The following ATP9B variants were observed in gnomAD, a reference collection of about 807,000 sequenced individuals.
The protein encoded by ATP9B is probable phospholipid-transporting ATPase IIB.
Under a neutral mutation model 146.1 loss-of-function variants are expected in ATP9B, and 110 were observed. The observed-to-expected ratio is 0.75, with a 90% confidence interval of 0.65 to 0.88. ATP9B has a LOEUF of 0.88. Among genes scored for constraint, ATP9B ranks in the 40% least tolerant of loss-of-function variants. ATP9B has a pLI of 0.00. For synonymous variants in ATP9B, 604 were observed against 569.7 expected (o/e 1.06, Z -0.86); for missense variants, 1,499 against 1,496.4 (o/e 1.00, Z -0.03).
intron 17 of ATP9B, among the ~76,000 whole-genome samples, chr18:79,331,351 A>G (rs2096789221): frequency 6.6e-6 from 1 of 152,218 alleles, no homozygotes; most frequent in African/African-American, 2.4e-5. Context: ...AATGCCATAA[A>G]AATTACTTTT....
At chr18:79,340,370 TG>T (rs1205445877) in intron 19 of ATP9B, 1 of 152,222 alleles carries the variant, frequency 6.6e-6, no homozygotes, top group Non-Finnish European at 1.5e-5. Flanking sequence ...CTGCGTTTCC[TG>T]AATCCCACTC....
chr18:79,108,779 C>G (rs2075818523), intron 2 of ATP9B, among the ~76,000 whole-genome samples: 1 of 152,174 alleles, frequency 6.6e-6, no homozygotes, highest in Admixed American at 6.5e-5. Context: ...CCCAGCACAG[C>G]TGAGAATTAA....
At chr18:79,117,142 T>A (rs551232338) in intron 4 of ATP9B, 1 of 152,280 alleles carries the variant, frequency 6.6e-6, no homozygotes, top group Admixed American at 6.5e-5. Context: ...TTAGAATAAA[T>A]TTTAAAAGGT....
chr18:79,157,207 TACACACACACACACAC>T (rs147810207), intron 7 of ATP9B, among the ~76,000 whole-genome samples: 17 of 135,366 alleles, frequency 1.3e-4, no homozygotes, highest in East Asian at 4.3e-4. Flanking sequence ...CTAAAAAAAA[TACACACACACACACAC>T]ACACACACAC....
chr18:79,258,885 T>C (rs955792056), intron 12 of ATP9B, among the ~76,000 whole-genome samples: 35 of 152,336 alleles, frequency 2.3e-4, no homozygotes, highest in Admixed American at 1.2e-3. Context: ...ATTTGGGAAA[T>C]TAAAGTTCAC....
At chr18:79,300,997 TTTG>T (rs1346987140) in intron 13 of ATP9B, among the ~76,000 whole-genome samples, 1 of 152,212 alleles carries the variant, frequency 6.6e-6, no homozygotes, top group African/African-American at 2.4e-5. Context: ...AAGGAAATAC[TTTG>T]TTATCTCAAT....
chr18:79,353,441 G>C (rs962618867), intron 25 of ATP9B: 1 of 152,312 alleles, frequency 6.6e-6, no homozygotes, highest in African/African-American at 2.4e-5. Flanking sequence ...TCCACCAGGG[G>C]GTGGAAGAGC....
intron 12 of ATP9B, chr18:79,254,759 C>T (rs2096062206): frequency 6.6e-6 from 1 of 152,550 alleles, no homozygotes; most frequent in African/African-American, 2.4e-5. Flanking sequence ...AGCTGCTTCC[C>T]ACCCTAGCTG....
chr18:79,207,036 G>C (rs2095540879), intron 10 of ATP9B, 24 bp downstream of exon 10: 1 of 1,600,644 alleles, frequency 6.2e-7, no homozygotes. Context: ...TCTCCTCTGA[G>C]TGTGATTGCT....
At chr18:79,167,722 G>A (rs1350339998) in intron 7 of ATP9B, among the ~76,000 whole-genome samples, 2 of 152,224 alleles carry the variant, frequency 1.3e-5, no homozygotes, top group Non-Finnish European at 2.9e-5. Flanking sequence ...CCGATTGGCT[G>A]TATGGTCATC....
intron 11 of ATP9B, among the ~76,000 whole-genome samples, chr18:79,216,769 C>A (rs1413578286): frequency 1.3e-5 from 2 of 152,174 alleles, no homozygotes; most frequent in Non-Finnish European, 2.9e-5. Context: ...TTATTGTTGG[C>A]AGAATATATC....
At chr18:79,246,022 T>TGC (rs2095955149) in intron 11 of ATP9B, among the ~76,000 whole-genome samples, 1 of 124,414 alleles carries the variant, frequency 8.0e-6, no homozygotes, top group Non-Finnish European at 1.7e-5. Context: ...CCCTACTGAC[T>TGC]GAGGAGGGCA....
intron 4 of ATP9B, chr18:79,115,558 G>A (rs1276583813): frequency 2.3e-5 from 3 of 128,298 alleles, no homozygotes; most frequent in Admixed American, 7.5e-5. Flanking sequence ...GCATGGTACT[G>A]GTACCAAAAC....
intron 13 of ATP9B, among the ~76,000 whole-genome samples, chr18:79,289,926 G>A (rs970233011): frequency 2.6e-5 from 4 of 152,166 alleles, no homozygotes; most frequent in South Asian, 2.1e-4. Flanking sequence ...GCAGAATAGC[G>A]GATTTTCGTG....
intron 26 of ATP9B, among the ~76,000 whole-genome samples, chr18:79,369,432 C>CT (rs2097055794): frequency 6.7e-6 from 1 of 149,580 alleles, no homozygotes; most frequent in Non-Finnish European, 1.5e-5. Context: ...ACTCGGGAGG[C>CT]TGAGGTAGGA....
chr18:79,154,524 C>G lies in ATP9B; in HGVS notation c.747C>G (p.Asp249Glu). ...IVEKNQRIPS[D>E]MVFLRTSEKA... ...TGCAGAATCAAAGAATTCCATCGGA[C>G]ATGGTGTTTCTTAGGACTTCAGAAA... Residue 249 changes from aspartate (D) to glutamate (E), a missense_variant, in exon 7 of 30, where the codon GAC becomes GAG. Physicochemically the swap from Asp to Glu is conservative, Grantham distance 45. Transcript: ENST00000426216. 1 of 1,540,086 alleles carries G rather than the reference C, an allele frequency of 6.5e-7. No individual in the cohort carries two copies. Among genetic ancestry groups the G allele is most frequent in the Non-Finnish European group, 8.7e-7 (1 of 1,151,922 alleles).
chr18:79,277,230 G>C, intron 13 of ATP9B, 34 bp downstream of exon 13: 1 of 1,608,854 alleles, frequency 6.2e-7, no homozygotes, highest in Non-Finnish European at 8.5e-7. Context: ...CCTTTGAATG[G>C]ACAAAATGAC....
At chr18:79,140,637 C>T (rs970478180) in intron 5 of ATP9B, among the ~76,000 whole-genome samples, 4 of 151,976 alleles carry the variant, frequency 2.6e-5, no homozygotes, top group African/African-American at 9.7e-5. Context: ...AAAAATTAGC[C>T]GGGCATGGTG....
intron 1 of ATP9B, among the ~76,000 whole-genome samples, chr18:79,072,237 A>G (rs560785565): frequency 1.6e-4 from 24 of 151,850 alleles, no homozygotes; most frequent in African/African-American, 5.6e-4. Flanking sequence ...TAGTGGAGAG[A>G]AGGTCAGCAG....
Sources: gnomAD v4.1 joint callset for allele counts (sites outside exome capture counted in the v4.1 genomes callset) on GRCh38, gnomAD v4.1.1 for gene constraint, MANE v1.5 for transcripts, NCBI Gene and HGNC (gene_info 2026-07-23, HGNC 2026-07-21) for gene names.